NOTCH1: variants seen among roughly 807,000 people sequenced by gnomAD.
The protein encoded by NOTCH1 is notch receptor 1.
NOTCH1 carries 37 observed loss-of-function variants against 254.8 expected under a neutral mutation model. The observed-to-expected ratio is 0.15, with a 90% confidence interval of 0.11 to 0.19. The LOEUF is 0.19. Ranked by LOEUF, NOTCH1 falls within the 10% of genes least tolerant of loss-of-function variation. The pLI is 1.00. For synonymous variants in NOTCH1, 1,731 were observed against 1,618.1 expected, an observed-to-expected ratio of 1.07 and a Z score of -1.68; for missense variants, 2,972 against 3,708.6, an observed-to-expected ratio of 0.80 and a Z score of 5.16.
intron 27 of NOTCH1, chr9:136,502,749 A>G (rs1843018846): frequency 1.7e-6 from 1 of 572,380 alleles, no homozygotes; most frequent in Non-Finnish European, 3.1e-6. Flanking sequence ...GGATTAGTCA[A>G]CTTCAAATCG....
chr9:136,536,038 G>C (rs894019857), intron 2 of NOTCH1, among the ~76,000 whole-genome samples: 1 of 151,950 alleles, frequency 6.6e-6, no homozygotes, highest in Non-Finnish European at 1.5e-5. Flanking sequence ...GTACAGGGTA[G>C]GGGGGCGCAC....
chr9:136,532,969 G>A (rs1296838098), intron 2 of NOTCH1, among the ~76,000 whole-genome samples: 1 of 152,224 alleles, frequency 6.6e-6, no homozygotes, highest in Non-Finnish European at 1.5e-5. Flanking sequence ...CCTGGCCCCA[G>A]GGCTGCCGAC....
chr9:136,508,205 C>T (rs1262365269), intron 20 of NOTCH1, 27 bp downstream of exon 20: 1 of 1,609,558 alleles, frequency 6.2e-7, no homozygotes, highest in African/African-American at 1.3e-5. Flanking sequence ...GGGCTGGGAC[C>T]CGAGCTGGGT....
At chr9:136,532,610 A>T (rs1308766616) in intron 2 of NOTCH1, among the ~76,000 whole-genome samples, 2 of 152,092 alleles carry the variant, frequency 1.3e-5, no homozygotes, top group African/African-American at 4.8e-5. Flanking sequence ...AGCCGCCATG[A>T]CTCCGTAGCC....
At position 136,529,312 on chromosome 9, in the gene NOTCH1, C is replaced by T. The variant is rs140408882; in HGVS notation, c.141-5333G>A. Among the ~76,000 whole-genome samples, 9 of 152,356 alleles carry T rather than the reference C, an allele frequency of 5.9e-5. No individual in the cohort carries two copies. In the East Asian group the frequency reaches 7.7e-4, roughly 13 times the overall value. On this transcript the variant is annotated intron_variant, in intron 2 of 33. Transcript: ENST00000651671. The stretch of plus-strand genomic sequence containing the variant: ...CCAAGGCAGGCTTCCATGAGGCCAA[C>T]GAGCCCAGCTCTAGCCCGGACCAAG...
chr9:136,546,017 C>T lies in NOTCH1; in HGVS notation c.-231G>A, dbSNP rs955483625. ...GCGCCCGCGCCCCGCGCCCCGCGCC[C>T]TTGCGCTCCCTCCCGCGGCCGAGGC... On this transcript the variant is annotated 5_prime_UTR_variant, in exon 1 of 34. Transcript: ENST00000651671. Among the ~76,000 whole-genome samples the T allele has an allele frequency of 1.3e-5, 2 of 149,446 alleles. No individual in the cohort carries two copies. The highest frequency in any genetic ancestry group is 1.3e-4 in the Admixed American group (2 of 15,036).
intron 8 of NOTCH1, among the ~76,000 whole-genome samples, 163 bp from the exon 9 acceptor site, chr9:136,517,548 G>A (rs147103241): frequency 6.6e-5 from 10 of 152,112 alleles, no homozygotes; most frequent in Admixed American, 4.6e-4. Flanking sequence ...CCCCTGGCCC[G>A]GCACCCTCAT....
intron 21 of NOTCH1, 81 bp downstream of exon 21, chr9:136,507,874 A>G (rs371321155): frequency 1.4e-6 from 2 of 1,465,490 alleles, no homozygotes; most frequent in Admixed American, 3.4e-5. Context: ...AGTTTTCTCC[A>G]CTGGGCCAGC....
chr9:136,523,563 G>A (rs1843410181), intron 3 of NOTCH1, among the ~76,000 whole-genome samples, 154 bp downstream of exon 3: 1 of 152,220 alleles, frequency 6.6e-6, no homozygotes, highest in South Asian at 2.1e-4. Flanking sequence ...GCGATTCCAG[G>A]TCTGGGAGGG....
At chr9:136,542,496 T>C (rs1159609550) in intron 2 of NOTCH1, among the ~76,000 whole-genome samples, 3 of 128,616 alleles carry the variant, frequency 2.3e-5, no homozygotes, top group Non-Finnish European at 4.6e-5. Flanking sequence ...ATTTAGGGCA[T>C]CAAGCGTCCG....
At chr9:136,504,630 GGA>G in intron 26 of NOTCH1, 41 bp downstream of exon 26, 1 of 1,475,568 alleles carries the variant, frequency 6.8e-7, no homozygotes, top group East Asian at 2.5e-5. Context: ...GGAGGGCCCA[GGA>G]GAGTTGCGGG....
chr9:136,496,668 G>C lies in NOTCH1; in HGVS notation c.7071C>G (p.Ser2357Arg). 1 of 1,612,896 alleles carries C rather than the reference G, an allele frequency of 6.2e-7. No individual in the cohort carries two copies. Among genetic ancestry groups the C allele is most frequent in the Non-Finnish European group, 8.5e-7 (1 of 1,179,924 alleles). ...GGTAGCTCATCATCTGGGACAGGGCGCTGGCAGCAAGGCTACTGTGCAGCG... is the reference window on the plus strand; with the variant it reads ...GGTAGCTCATCATCTGGGACAGGGCCCTGGCAGCAAGGCTACTGTGCAGCG... The part of the protein sequence containing the change: ...VGPLHSSLAA[S>R]ALSQMMSYQG... The change falls in exon 34 of 34, where the codon AGC (serine) becomes AGG (arginine). Residue 2357 changes from serine to arginine, a missense_variant. By Grantham distance (110) the Ser-to-Arg change is moderately radical (BLOSUM62 -1). Coordinates refer to ENST00000651671, the MANE Select transcript of NOTCH1 (RefSeq NM_017617.5).
rs2133316153 is a variant in NOTCH1, at chr9:136,496,586, C to T, written c.7153G>A (p.Val2385Met). ...TGCATCTGTAAGTTTTGTGGCTGCA[C>T]CTGCTGGGTCTGCACCAGGTGAGGC... ...TQPHLVQTQQVQPQNLQMQQQ... is the reference protein window; with the variant it reads ...TQPHLVQTQQMQPQNLQMQQQ... The change falls in exon 34 of 34, where the codon GTG becomes ATG. Residue 2385 changes from valine (V) to methionine (M), a missense_variant. By Grantham distance (21) the Val-to-Met change is conservative. This residue lies in a region of NOTCH1 where 529 missense variants were observed against 529.2 expected (regional missense o/e 1.00). Coordinates refer to ENST00000651671, the MANE Select transcript of NOTCH1 (RefSeq NM_017617.5). The T allele has an allele frequency of 6.2e-7, 1 of 1,612,674 alleles. No individual in the cohort carries two copies. Among genetic ancestry groups the T allele is most frequent in the South Asian group, 1.1e-5 (1 of 91,086 alleles).
chr9:136,525,826 C>T (rs1453662369), intron 2 of NOTCH1, among the ~76,000 whole-genome samples: 1 of 152,266 alleles, frequency 6.6e-6, no homozygotes, highest in Non-Finnish European at 1.5e-5. Flanking sequence ...GCCCCTGTCC[C>T]AAAGGCCCGG....
At position 136,510,801 on chromosome 9, in the gene NOTCH1, C is replaced by A. The variant is rs1394525037; in HGVS notation, c.2592G>T (p.Gln864His). ...SCVCPTGWQG[Q>H]TCEVDINECV... The stretch of plus-strand genomic sequence containing the variant: ...ACTCGTTGATGTCGACCTCACAGGT[C>A]TGCCCTGCGGGGCAGGAGGAGGCCG... The change falls in exon 17 of 34, where the codon CAG becomes CAT. Residue 864 changes from glutamine (Q) to histidine (H), a missense_variant. Coordinates refer to ENST00000651671, the MANE Select transcript of NOTCH1 (RefSeq NM_017617.5). 6.2e-7 allele frequency: 1 copy of A among 1,609,278 alleles called. No homozygotes were observed. Among genetic ancestry groups the A allele is most frequent in the South Asian group, 1.1e-5 (1 of 91,080 alleles).
rs1275852005 is a variant in NOTCH1, at chr9:136,524,444, CG to C, written c.141-466del. Among the ~76,000 whole-genome samples the C allele has an allele frequency of 2.0e-5, 3 of 152,186 alleles. No homozygotes were observed. The East Asian group carries it at 5.8e-4, about 29-fold the overall frequency. ...CCCGCGGAGAGCCATGGAGAGGAGCCGGGTGCATTAGCTCCGTAGAGCCTCC... is the reference window on the plus strand; with the variant it reads ...CCCGCGGAGAGCCATGGAGAGGAGCCGGTGCATTAGCTCCGTAGAGCCTCC... On this transcript the variant is annotated intron_variant, in intron 2 of 33. Transcript: ENST00000651671.
In NOTCH1 at chr9:136,514,517, G is replaced by T. The variant is rs1292975359; in HGVS notation, c.2200C>A (p.Leu734Ile). 6.3e-7 allele frequency: 1 copy of T among 1,581,710 alleles called. No homozygotes were observed. Among genetic ancestry groups the T allele is most frequent in the Non-Finnish European group, 8.6e-7 (1 of 1,164,862 alleles). Reference sequence around the variant, plus strand: ...ATCGGCCCCGCCGCATACCCGTTGAGGCTGTCCCGGCAGGCCCCGTGGACG... The same window carrying T: ...ATCGGCCCCGCCGCATACCCGTTGATGCTGTCCCGGCAGGCCCCGTGGACG... Reference protein sequence around the residue: ...PCVHGACRDSLNGYKCDCDPG... With the variant: ...PCVHGACRDSINGYKCDCDPG... The change falls in exon 13 of 34, where the codon CTC (leucine) becomes ATC (isoleucine). Residue 734 changes from leucine (L) to isoleucine (I), a missense_variant. Physicochemically the swap from Leu to Ile is conservative, Grantham distance 5. Transcript: ENST00000651671.
At position 136,540,061 on chromosome 9, in the gene NOTCH1, G is replaced by A. The variant is rs1313393277; in HGVS notation, c.140+3963C>T. ...TTCTGCCACTGCTGTGTGACCCTGG[G>A]GCTGATGGCGACTTCTCTGGGTCTC... is the stretch of plus-strand genomic sequence containing the variant. On this transcript the variant is annotated intron_variant, in intron 2 of 33. Coordinates refer to ENST00000651671, the MANE Select transcript of NOTCH1 (RefSeq NM_017617.5). The surrounding 1 kb of genome is among the most constrained non-coding windows in gnomAD (Gnocchi z 4.4). Among the ~76,000 whole-genome samples the A allele has an allele frequency of 2.0e-5, 3 of 152,198 alleles. No homozygotes were observed. Among genetic ancestry groups the A allele is most frequent in the Non-Finnish European group, 4.4e-5 (3 of 68,030 alleles).
At chr9:136,509,702 C>G (rs1292970015) in intron 18 of NOTCH1, 31 bp downstream of exon 18, 2 of 1,600,114 alleles carry the variant, frequency 1.2e-6, no homozygotes, top group Non-Finnish European at 1.7e-6. Flanking sequence ...CCGCCCGTTC[C>G]CTTCCACGGC....
Sources: allele counts gnomAD v4.1 joint callset (sites outside exome capture counted in the v4.1 genomes callset), GRCh38; gene constraint gnomAD v4.1.1; regional missense constraint gnomAD v4.1.1; non-coding constraint Gnocchi (gnomAD v3.1); transcripts MANE v1.5; gene names NCBI Gene and HGNC (gene_info 2026-07-23, HGNC 2026-07-21).